Variants in SERGEF observed in about 807,000 individuals in gnomAD.
The protein encoded by SERGEF is secretion regulating guanine nucleotide exchange factor, also known as secretion-regulating guanine nucleotide exchange factor.
In SERGEF, 51 loss-of-function variants were observed where a neutral mutation model predicts 50.0. The ratio of observed to expected loss-of-function variants is 1.02; its 90% CI spans 0.81 to 1.29. SERGEF has a LOEUF of 1.29. Ranked by LOEUF, SERGEF falls within the 50% of genes most tolerant of loss-of-function variation. The pLI, the probability that SERGEF is intolerant of heterozygous loss-of-function variation, is 0.00. For missense variants in SERGEF, 521 were observed against 557.0 expected (o/e 0.94, Z 0.65); for synonymous variants, 205 against 212.4 (o/e 0.97, Z 0.30).
chr11:17,919,486 A>C lies in SERGEF; in HGVS notation c.1011+39984T>G, dbSNP rs1264354684. Among the ~76,000 whole-genome samples the C allele has an allele frequency of 5.9e-5, 9 of 152,302 alleles. 1 individual carries two copies. The South Asian group carries it at 1.5e-3, about 25-fold the overall frequency. On this transcript the variant is annotated intron_variant, in intron 9 of 10. Transcript: ENST00000265965. ...AACACAGTAAGTGATTGGCAATGTG[A>C]GCAGAAAAGGAAGACATCAAAGTCT...
At chr11:17,928,519 AGCTTT>A (rs1327417236) in intron 9 of SERGEF, among the ~76,000 whole-genome samples, 1 of 152,182 alleles carries the variant, frequency 6.6e-6, no homozygotes, top group African/African-American at 2.4e-5. Flanking sequence ...ACAGACTGCA[AGCTTT>A]GTGAGGACAG....
rs540715452 is a variant in SERGEF, at chr11:17,937,229, T to C, written c.1011+22241A>G. 4.6e-5 allele frequency among the ~76,000 whole-genome samples: 7 copies of C among 152,114 alleles called. No homozygotes were observed. In the East Asian group the frequency reaches 9.6e-4, roughly 21 times the overall value. ...TTTAAAAAATACGTGTAGAAAAAAA[T>C]ATTTAAAATGTACTACAATGGGCCG... is the stretch of plus-strand genomic sequence containing the variant. On this transcript the variant is annotated intron_variant, in intron 9 of 10. Transcript: ENST00000265965.
intron 10 of SERGEF, among the ~76,000 whole-genome samples, chr11:17,793,747 T>C (rs893668027): frequency 6.6e-6 from 1 of 152,220 alleles, no homozygotes; most frequent in African/African-American, 2.4e-5. Flanking sequence ...CTGGGGCACA[T>C]GGCTGAGACT....
In SERGEF at chr11:17,930,659, G is replaced by A. The variant is rs372457681; in HGVS notation, c.1011+28811C>T. ...TCTACAAGTAAGCTTAGTTAGACCA[G>A]TGAGGTTAAAGGCAACACAGCACAA... On this transcript the variant is annotated intron_variant, in intron 9 of 10. Transcript: ENST00000265965. Among the ~76,000 whole-genome samples, 12 of 152,326 alleles carry A rather than the reference G, an allele frequency of 7.9e-5. No individual in the cohort carries two copies. In the South Asian group the frequency reaches 2.3e-3, roughly 29 times the overall value.
At chr11:17,813,810 G>C (rs1324467086) in intron 10 of SERGEF, among the ~76,000 whole-genome samples, 2 of 152,236 alleles carry the variant, frequency 1.3e-5, no homozygotes, top group African/African-American at 2.4e-5. Flanking sequence ...ACAGGATATG[G>C]AGGAAAACTC....
chr11:17,973,456 G>C (rs1379145862), intron 8 of SERGEF, among the ~76,000 whole-genome samples: 1 of 152,152 alleles, frequency 6.6e-6, no homozygotes, highest in Non-Finnish European at 1.5e-5. Context: ...AACTGGCTTT[G>C]GGGAAATGGG....
intron 10 of SERGEF, among the ~76,000 whole-genome samples, chr11:17,806,738 G>A (rs114859855): frequency 0.021 from 3,169 of 152,248 alleles, 91 homozygotes; most frequent in African/African-American, 0.071. Flanking sequence ...GTCACTTCCC[G>A]TTCCTCAGGA....
At chr11:17,940,058 T>C (rs189179559) in intron 9 of SERGEF, among the ~76,000 whole-genome samples, 38 of 152,270 alleles carry the variant, frequency 2.5e-4, no homozygotes, top group African/African-American at 8.9e-4. Flanking sequence ...ACAGGCAGTA[T>C]ACTATCTAGC....
intron 9 of SERGEF, among the ~76,000 whole-genome samples, chr11:17,885,903 C>G (rs1028230400): frequency 3.9e-5 from 6 of 152,168 alleles, no homozygotes; most frequent in Non-Finnish European, 8.8e-5. Flanking sequence ...GGAGATCTGC[C>G]TCCTCTCAAT....
chr11:17,990,017 A>C (rs2283233), intron 7 of SERGEF, among the ~76,000 whole-genome samples: 48,697 of 152,196 alleles, frequency 0.32, 9,315 homozygotes, highest in East Asian at 0.5. Context: ...ATATTAAATT[A>C]CTTTTCAGGA....
chr11:18,004,995 T>A (rs1854044835), intron 3 of SERGEF, among the ~76,000 whole-genome samples: 1 of 152,190 alleles, frequency 6.6e-6, no homozygotes, highest in African/African-American at 2.4e-5. Flanking sequence ...CATTCTAGGC[T>A]GACACATAGG....
intron 10 of SERGEF, among the ~76,000 whole-genome samples, chr11:17,869,605 C>T (rs1851099757): frequency 6.6e-6 from 1 of 152,114 alleles, no homozygotes; most frequent in South Asian, 2.1e-4. Context: ...TCCCTTGGAC[C>T]TCTTTTATAA....
intron 10 of SERGEF, among the ~76,000 whole-genome samples, chr11:17,794,435 G>T (rs2299634): frequency 0.55 from 84,341 of 151,972 alleles, 23,817 homozygotes; most frequent in East Asian, 0.72. Flanking sequence ...GTACTACTAC[G>T]TCCATTTTAC....
intron 10 of SERGEF, among the ~76,000 whole-genome samples, chr11:17,802,524 G>C (rs1178587990): frequency 6.6e-6 from 1 of 152,186 alleles, no homozygotes; most frequent in Non-Finnish European, 1.5e-5. Flanking sequence ...AAAATACCAA[G>C]TCTGGACCTT....
chr11:17,986,171 T>G (rs1853591849), intron 8 of SERGEF, among the ~76,000 whole-genome samples: 2 of 152,182 alleles, frequency 1.3e-5, no homozygotes, highest in Admixed American at 1.3e-4. Context: ...TGAGGAAATC[T>G]TATTCCCATT....
chr11:17,917,224 T>C (rs939747820), intron 9 of SERGEF, among the ~76,000 whole-genome samples: 2 of 152,152 alleles, frequency 1.3e-5, no homozygotes, highest in African/African-American at 4.8e-5. Context: ...TATGATGAAA[T>C]ACTACTCAGC....
At chr11:17,882,437 G>GA (rs1220084319) in intron 9 of SERGEF, among the ~76,000 whole-genome samples, 19 of 134,552 alleles carry the variant, frequency 1.4e-4, no homozygotes, top group East Asian at 2.3e-4. Flanking sequence ...AAAAAAAAAA[G>GA]AAAAAAAAAG....
intron 10 of SERGEF, among the ~76,000 whole-genome samples, chr11:17,845,996 C>T (rs1194015187): frequency 1.3e-5 from 2 of 152,172 alleles, no homozygotes; most frequent in Admixed American, 6.5e-5. Context: ...CTCCCTCCAA[C>T]GTCATGCAGC....
intron 9 of SERGEF, among the ~76,000 whole-genome samples, chr11:17,958,250 G>T (rs914851574): frequency 2.0e-5 from 3 of 152,204 alleles, no homozygotes; most frequent in African/African-American, 7.2e-5. Flanking sequence ...TAGGTATGAA[G>T]AGGGTTGTCA....
Sources: gnomAD v4.1 joint callset for allele counts (sites outside exome capture counted in the v4.1 genomes callset) on GRCh38, gnomAD v4.1.1 for gene constraint, MANE v1.5 for transcripts, NCBI Gene and HGNC (gene_info 2026-07-23, HGNC 2026-07-21) for gene names.